HSPA8: variants seen among roughly 807,000 people sequenced by gnomAD.
HSPA8 encodes the protein heat shock protein family A (Hsp70) member 8.
Under a neutral mutation model 52.8 loss-of-function variants are expected in HSPA8, and 2 were observed. The observed-to-expected ratio is 0.04, with a 90% CI of 0.02 to 0.12. The LOEUF (loss-of-function observed/expected upper bound fraction) is 0.12. Among genes scored for constraint, HSPA8 ranks in the 10% least tolerant of loss-of-function variants. The probability of loss-of-function intolerance (pLI) is 1.00; values close to 1 mark genes in which losing one functional copy is unlikely to be tolerated. For missense variants in HSPA8, 349 were observed against 800.5 expected, an observed-to-expected ratio of 0.44 and a Z score of 6.81; for synonymous variants, 436 against 274.0, an observed-to-expected ratio of 1.59 and a Z score of -5.84.
chr11:123,059,731 A>G lies in HSPA8; in HGVS notation c.862T>C (p.Tyr288His), dbSNP rs1216243283. The change falls in exon 5 of 9, where the codon TAT (tyrosine) becomes CAT (histidine). Residue 288 changes from tyrosine (Y) to histidine (H), a missense_variant. Transcript: ENST00000534624. Reference sequence around the variant, plus strand: ...GAGGTATAGAAGTCGATTCCTTCATAGAGAGAATCGATCTCAATACTGGCC... The same window carrying G: ...GAGGTATAGAAGTCGATTCCTTCATGGAGAGAATCGATCTCAATACTGGCC... ...TQASIEIDSL[Y>H]EGIDFYTSIT... 3 of 1,613,906 alleles carry G rather than the reference A, an allele frequency of 1.9e-6. No homozygotes were observed. Among genetic ancestry groups the G allele is most frequent in the Non-Finnish European group, 2.5e-6 (3 of 1,179,824 alleles).
chr11:123,057,506 T>A lies in HSPA8; in HGVS notation c.*228A>T. On this transcript the variant is annotated 3_prime_UTR_variant, in exon 9 of 9. Coordinates refer to ENST00000534624, the MANE Select transcript of HSPA8 (RefSeq NM_006597.6). The stretch of plus-strand genomic sequence containing the variant: ...CAAAGCAATTGTATGGTGCCAATTT[T>A]AAATAGTTTTATTTAAGACATTGCA... The A allele has an allele frequency of 2.4e-6, 1 of 423,846 alleles. No individual in the cohort carries two copies. The allele number at this position is 423,846 out of a possible 1,614,324, so 26.3% of individuals were successfully genotyped here. A position where few individuals can be genotyped will look rare whatever the true frequency, so the allele number is the denominator to read the frequency against.
intron 1 of HSPA8, 31 bp from the exon 2 acceptor site, chr11:123,061,360 T>G (rs947249781): frequency 2.0e-6 from 3 of 1,514,990 alleles, no homozygotes; most frequent in African/African-American, 1.4e-5. Flanking sequence ...GTTTAAAAAT[T>G]CAATTAATCA....
At chr11:123,060,351 A>G (rs145200229) in intron 3 of HSPA8, 83 bp from the exon 4 acceptor site, 14 of 1,330,736 alleles carry the variant, frequency 1.1e-5, no homozygotes, top group Middle Eastern at 1.9e-4. Flanking sequence ...AATGCTGGTG[A>G]AAGAACAGCT....
chr11:123,060,984 G>A (rs1384443025), intron 2 of HSPA8, 136 bp downstream of exon 2: 8 of 929,282 alleles, frequency 8.6e-6, no homozygotes, highest in Non-Finnish European at 1.3e-5. Context: ...TCTACAACCT[G>A]TTTTATAACA....
chr11:123,059,450 GTTAA>G lies in HSPA8; in HGVS notation c.1120+19_1120+22del, dbSNP rs138432400. 1.9e-3 allele frequency: 3,013 copies of G among 1,593,954 alleles called. 31 individuals are homozygous for G. In the African/African-American group the frequency reaches 0.03, roughly 16 times the overall value. On this transcript the variant is annotated intron_variant, in intron 5 of 8. Coordinates refer to ENST00000534624, the MANE Select transcript of HSPA8 (RefSeq NM_006597.6). ...CACCTTGGGCCTGCCTGCCTTTAGG[GTTAA>G]TTGAGATACCATTGTTACCTGCACC...
At chr11:123,058,226 G>GAAAA (rs71057327) in intron 8 of HSPA8, 26 bp downstream of exon 8, 66,792 of 981,642 alleles carry the variant, frequency 0.068, 1,295 homozygotes, top group African/African-American at 0.13. Flanking sequence ...AGTGGGGGAG[G>GAAAA]AAAAAAAAAA....
chr11:123,058,462 A>G lies in HSPA8; in HGVS notation c.1545T>C (p.Ile515=). Residue 515 remains isoleucine, a synonymous_variant, in exon 8 of 9, where the codon ATT becomes ATC. Coordinates refer to ENST00000534624, the MANE Select transcript of HSPA8 (RefSeq NM_006597.6). ...TCTCAGCTTCCTGGACCATACGTTC[A>G]ATGTCTTCCTTGCTCAAACGGCCTA... ...NDKGRLSKED[I]ERMVQEAEKY... The G allele has an allele frequency of 6.2e-7, 1 of 1,614,092 alleles. No homozygotes were observed. Among genetic ancestry groups the G allele is most frequent in the South Asian group, 1.1e-5 (1 of 91,084 alleles).
chr11:123,059,339 T>C, intron 5 of HSPA8, 78 bp from the exon 6 acceptor site: 1 of 1,406,534 alleles, frequency 7.1e-7, no homozygotes, highest in South Asian at 1.2e-5. Context: ...TATCACTCGC[T>C]CAGACATCCA....
At chr11:123,060,354 G>A in intron 3 of HSPA8, 86 bp from the exon 4 acceptor site, 2 of 1,293,326 alleles carry the variant, frequency 1.5e-6, no homozygotes, top group Non-Finnish European at 2.2e-6. Flanking sequence ...GCTGGTGAAA[G>A]AACAGCTGGA....
Position 123,059,555 on chromosome 11 carries a change from A to G in HSPA8, c.1038T>C (p.Ile346=). The G allele has an allele frequency of 6.2e-7, 1 of 1,614,070 alleles. No individual in the cohort carries two copies. Among genetic ancestry groups the G allele is most frequent in the Non-Finnish European group, 8.5e-7 (1 of 1,179,968 alleles). ...TGAAGAAGTCTTGGAGAAGCTTCTG[A>G]ATCTTGGGGATACGAGTAGAACCAC... The part of the protein sequence containing the change: ...LVGGSTRIPK[I]QKLLQDFFNG... Residue 346 remains isoleucine (I), a synonymous_variant, in exon 5 of 9, where the codon ATT becomes ATC. Coordinates refer to ENST00000534624, the MANE Select transcript of HSPA8 (RefSeq NM_006597.6).
chr11:123,061,505 G>C (rs1298284813), intron 1 of HSPA8, 176 bp from the exon 2 acceptor site: 3 of 613,740 alleles, frequency 4.9e-6, no homozygotes, highest in Admixed American at 2.8e-5. Flanking sequence ...CCAGGTTGCC[G>C]TGCCAACCGC....
intron 7 of HSPA8, 37 bp downstream of exon 7, chr11:123,058,595 T>C (rs1299004802): frequency 6.3e-7 from 1 of 1,588,852 alleles, no homozygotes; most frequent in East Asian, 2.2e-5. Flanking sequence ...TGAAATACCA[T>C]TATCCCTGTC....
Position 123,059,590 on chromosome 11 carries a change from C to T in HSPA8, c.1003G>A (p.Val335Ile). The change falls in exon 5 of 9, where the codon GTC becomes ATC. Residue 335 changes from valine (V) to isoleucine (I), a missense_variant. Transcript: ENST00000534624. ...ATACGAGTAGAACCACCAACCAGGACAATATCATGAATCTGTGACTTGTCT... is the reference window on the plus strand; with the variant it reads ...ATACGAGTAGAACCACCAACCAGGATAATATCATGAATCTGTGACTTGTCT... ...KLDKSQIHDIVLVGGSTRIPK... is the reference protein window; with the variant it reads ...KLDKSQIHDIILVGGSTRIPK... 1 of 1,614,148 alleles carries T rather than the reference C, an allele frequency of 6.2e-7. No individual in the cohort carries two copies. The highest frequency in any genetic ancestry group is 8.5e-7 in the Non-Finnish European group (1 of 1,180,018).
rs757940184 is a variant in HSPA8 at position 123,061,112 on chromosome 11, G to T, written c.205+8C>A. On this transcript the variant is annotated splice_region_variant and intron_variant, in intron 2 of 8. Coordinates refer to ENST00000534624, the MANE Select transcript of HSPA8 (RefSeq NM_006597.6). ...TATTTGTTCTGTCATTTAAAATTAG[G>T]AACTCACCAAAAACTGTGTTGGTGG... 1.9e-6 allele frequency: 3 copies of T among 1,609,504 alleles called. No individual in the cohort carries two copies. Among genetic ancestry groups the T allele is most frequent in the East Asian group, 2.2e-5 (1 of 44,862 alleles).
In HSPA8 at chr11:123,060,112, A is replaced by G. The variant is rs1275048633; in HGVS notation, c.564+4T>C. On this transcript the variant is annotated splice_donor_region_variant and intron_variant, in intron 4 of 8. Coordinates refer to ENST00000534624, the MANE Select transcript of HSPA8 (RefSeq NM_006597.6). ...TCCGAACTTGCATCACAAATGGTAC[A>G]TACCTTTTTGTCTAAGCCGTAAGCA... The G allele has an allele frequency of 1.9e-6, 3 of 1,614,118 alleles. No homozygotes were observed. The highest frequency in any genetic ancestry group is 2.5e-6 in the Non-Finnish European group (3 of 1,179,974).
chr11:123,062,137 A>C (rs1000893027), upstream of HSPA8: 1 of 152,520 alleles, frequency 6.6e-6, no homozygotes, highest in Non-Finnish European at 1.5e-5. Flanking sequence ...GTTCAATGAG[A>C]CCGGTTTCCG....
rs2276075 is a variant in HSPA8, at chr11:123,062,094, G to A, written c.-36C>T. 0.064 allele frequency: 9,815 copies of A among 152,844 alleles called. 379 individuals are homozygous for A. The highest frequency in any genetic ancestry group is 0.13 in the Admixed American group (1,998 of 15,288). 9.5% of individuals were successfully genotyped at this position (152,844 alleles called of 1,614,324 possible). On this transcript the variant is annotated 5_prime_UTR_variant, in exon 1 of 9. Transcript: ENST00000534624. ...GTGTAGGCCTGGCTCCAATAACGAAGGAAGCCACAAAAAACCCAAGAGCTG... is the reference window on the plus strand; with the variant it reads ...GTGTAGGCCTGGCTCCAATAACGAAAGAAGCCACAAAAAACCCAAGAGCTG...
intron 3 of HSPA8, 147 bp from the exon 4 acceptor site, chr11:123,060,415 G>A: frequency 1.0e-6 from 1 of 964,274 alleles, no homozygotes; most frequent in East Asian, 2.5e-5. Context: ...AAGATTCACT[G>A]GTTTCTGGTG....
intron 3 of HSPA8, 127 bp downstream of exon 3, chr11:123,060,466 G>C (rs117269401): frequency 1.1e-5 from 10 of 910,110 alleles, no homozygotes. Flanking sequence ...GGCACTGTTG[G>C]GCACGTGGTC....
Sources: gnomAD v4.1 joint callset for allele counts on GRCh38, gnomAD v4.1.1 for gene constraint, MANE v1.5 for transcripts, NCBI Gene and HGNC (gene_info 2026-07-23, HGNC 2026-07-21) for gene names.